Variants in HNRNPLL observed in about 807,000 individuals in gnomAD.
HNRNPLL encodes the protein heterogeneous nuclear ribonucleoprotein L-like.
HNRNPLL carries 25 observed loss-of-function variants against 67.1 expected under a neutral mutation model. The observed-to-expected ratio is 0.37, with a 90% CI of 0.27 to 0.52. The LOEUF (loss-of-function observed/expected upper bound fraction) is 0.52. Among genes scored for constraint, HNRNPLL ranks in the 20% least tolerant of loss-of-function variants. The probability of loss-of-function intolerance (pLI) is 0.90; values close to 1 mark genes in which losing one functional copy is unlikely to be tolerated. For missense variants in HNRNPLL, 542 were observed against 673.9 expected (o/e 0.80, Z 2.17); for synonymous variants, 267 against 241.7 (o/e 1.10, Z -0.97).
intron 8 of HNRNPLL, among the ~76,000 whole-genome samples, chr2:38,571,676 C>T (rs779892515): frequency 1.3e-5 from 2 of 152,072 alleles, no homozygotes; most frequent in Admixed American, 6.6e-5. Context: ...TAAATATACA[C>T]ATTAAATATG....
chr2:38,567,924 T>C (rs1386905976), intron 12 of HNRNPLL, among the ~76,000 whole-genome samples: 1 of 152,108 alleles, frequency 6.6e-6, no homozygotes, highest in African/African-American at 2.4e-5. Flanking sequence ...TCATGGGAGA[T>C]CCTAAGCCCG....
rs544606946 is a variant in HNRNPLL, at chr2:38,576,885, T to C, written c.874+576A>G. On this transcript the variant is annotated intron_variant, in intron 7 of 12. Coordinates refer to ENST00000449105, the MANE Select transcript of HNRNPLL (RefSeq NM_138394.4). The stretch of plus-strand genomic sequence containing the variant: ...AGAACAATAGTTTGATACCTAACGT[T>C]ACCTAATTTTTTCCTGGGGCAGATT... Among the ~76,000 whole-genome samples, 19 of 152,060 alleles carry C rather than the reference T, an allele frequency of 1.2e-4. No homozygotes were observed. In the East Asian group the frequency reaches 3.7e-3, roughly 29 times the overall value.
chr2:38,568,696 G>C (rs547307059), intron 10 of HNRNPLL, among the ~76,000 whole-genome samples: 14 of 152,212 alleles, frequency 9.2e-5, no homozygotes, highest in Non-Finnish European at 4.4e-5. Context: ...TATATTCTCA[G>C]AGTTGACCAG....
intron 6 of HNRNPLL, chr2:38,577,828 C>A: frequency 2.2e-6 from 1 of 453,766 alleles, no homozygotes; most frequent in Non-Finnish European, 4.4e-6. Context: ...AGTGAATGTA[C>A]ACAATGCTAG....
intron 8 of HNRNPLL, among the ~76,000 whole-genome samples, chr2:38,571,729 A>G (rs1666092611): frequency 1.3e-5 from 2 of 152,172 alleles, no homozygotes; most frequent in African/African-American, 4.8e-5. Context: ...GTTAGAAAAA[A>G]TTAACTATAT....
chr2:38,570,028 A>C (rs777173782), intron 8 of HNRNPLL, 103 bp from the exon 9 acceptor site: 1 of 746,426 alleles, frequency 1.3e-6, no homozygotes, highest in Non-Finnish European at 2.2e-6. Flanking sequence ...AAAATACGGA[A>C]GATCACCTGG....
chr2:38,566,938 G>C (rs1438936290), intron 12 of HNRNPLL, among the ~76,000 whole-genome samples: 1 of 152,004 alleles, frequency 6.6e-6, no homozygotes, highest in Admixed American at 6.6e-5. Context: ...GTTCATCAGT[G>C]GGGGGACGGG....
intron 7 of HNRNPLL, among the ~76,000 whole-genome samples, chr2:38,573,838 A>C (rs1458165136): frequency 6.6e-6 from 1 of 151,874 alleles, no homozygotes; most frequent in Non-Finnish European, 1.5e-5. Context: ...AAATCTGGGA[A>C]GCTATCTCTA....
At chr2:38,572,273 T>C (rs1242008062) in intron 8 of HNRNPLL, among the ~76,000 whole-genome samples, 1 of 152,130 alleles carries the variant, frequency 6.6e-6, no homozygotes, top group Non-Finnish European at 1.5e-5. Flanking sequence ...AATTCTTGTT[T>C]CATAATTCTG....
At chr2:38,567,074 G>A (rs1665890108) in intron 12 of HNRNPLL, among the ~76,000 whole-genome samples, 1 of 151,802 alleles carries the variant, frequency 6.6e-6, no homozygotes, top group African/African-American at 2.4e-5. Flanking sequence ...GCAAGACACA[G>A]GAAAGTATGT....
chr2:38,599,482 G>C (rs1667335315), intron 1 of HNRNPLL, among the ~76,000 whole-genome samples: 1 of 152,046 alleles, frequency 6.6e-6, no homozygotes, highest in Non-Finnish European at 1.5e-5. Flanking sequence ...CAAGAAAAAA[G>C]TAACTGTATA....
chr2:38,587,953 G>A (rs755595546), intron 2 of HNRNPLL, among the ~76,000 whole-genome samples: 5 of 151,996 alleles, frequency 3.3e-5, no homozygotes, highest in Non-Finnish European at 7.4e-5. Flanking sequence ...CTGCCCCTTT[G>A]TGTGCGCGCT....
intron 1 of HNRNPLL, among the ~76,000 whole-genome samples, chr2:38,597,465 G>A (rs967274386): frequency 1.3e-5 from 2 of 152,194 alleles, no homozygotes; most frequent in Non-Finnish European, 2.9e-5. Context: ...AAAGGACAAA[G>A]TTTTAACGGG....
At chr2:38,597,850 G>T (rs1203591647) in intron 1 of HNRNPLL, among the ~76,000 whole-genome samples, 4 of 151,996 alleles carry the variant, frequency 2.6e-5, no homozygotes, top group African/African-American at 9.7e-5. Flanking sequence ...ACCACACCCG[G>T]CTAATTTTTT....
chr2:38,594,871 T>G lies in HNRNPLL; in HGVS notation c.190-3223A>C, dbSNP rs79282071. On this transcript the variant is annotated intron_variant, in intron 1 of 12. Transcript: ENST00000449105. ...AGGCAAGAGAATTGCTTAAACCAAG[T>G]AGGCAAAGGTTGCAGTGAACTGAGA... Among the ~76,000 whole-genome samples, 999 of 151,838 alleles carry G rather than the reference T, an allele frequency of 6.6e-3. 11 individuals are homozygous for G. Among genetic ancestry groups the G allele is most frequent in the African/African-American group, 0.021 (882 of 41,344 alleles).
rs1422663049 is a variant in HNRNPLL, at chr2:38,602,554, G to A, written c.73C>T (p.Leu25Phe). The change falls in exon 1 of 13, where the codon CTC (leucine) becomes TTC (phenylalanine). Residue 25 changes from leucine to phenylalanine, a missense_variant. Physicochemically the swap from Leu to Phe is conservative, Grantham distance 22 (BLOSUM62 0). Around this residue, in one of 2 missense-constraint regions of HNRNPLL, gnomAD observed 127 missense variants for 98.7 expected, o/e 1.29. Transcript: ENST00000449105. ...TCGATCTCCCCCTCCTCGGTCTTGA[G>A]ACGCTTGGCCTGGCTCTCGTACTCC... ...DREYESQAKRLKTEEGEIDYS... is the reference protein window; with the variant it reads ...DREYESQAKRFKTEEGEIDYS... The A allele has an allele frequency of 6.4e-7, 1 of 1,567,460 alleles. No individual in the cohort carries two copies. The highest frequency in any genetic ancestry group is 1.3e-5 in the African/African-American group (1 of 74,112).
At chr2:38,585,600 T>C in intron 3 of HNRNPLL, 44 bp downstream of exon 3, 1 of 1,279,320 alleles carries the variant, frequency 7.8e-7, no homozygotes, top group East Asian at 2.3e-5. Context: ...GGAGGCAAAC[T>C]GCAAAATCAC....
intron 1 of HNRNPLL, among the ~76,000 whole-genome samples, chr2:38,594,589 T>C (rs527805885): frequency 1.3e-5 from 2 of 152,324 alleles, no homozygotes; most frequent in South Asian, 2.1e-4. Flanking sequence ...ACATTTTATA[T>C]AATAAAAAGT....
rs1032404999 is a variant in HNRNPLL, at chr2:38,562,618, A to G, written c.*1564T>C. ...AACTTAGGTATTAAATTGGCAATGA[A>G]TAAGAAACATACATAGCCCAGTATC... On this transcript the variant is annotated 3_prime_UTR_variant, in exon 13 of 13. Transcript: ENST00000449105. 6.6e-6 allele frequency: 1 copy of G among 152,196 alleles called. No homozygotes were observed. Among genetic ancestry groups the G allele is most frequent in the African/African-American group, 2.4e-5 (1 of 41,466 alleles). The allele number at this position is 152,196 out of a possible 1,614,324, so 9.4% of individuals were successfully genotyped here.
Sources: gnomAD v4.1 joint callset for allele counts (sites outside exome capture counted in the v4.1 genomes callset) on GRCh38, gnomAD v4.1.1 for gene constraint, gnomAD v4.1.1 regional missense constraint, MANE v1.5 for transcripts, NCBI Gene and HGNC (gene_info 2026-07-23, HGNC 2026-07-21) for gene names.